CRYBG1: variants seen among roughly 807,000 people sequenced by gnomAD.
The protein encoded by CRYBG1 is crystallin beta-gamma domain containing 1.
In CRYBG1, 139 loss-of-function variants were observed where a neutral mutation model predicts 189.2. The observed-to-expected ratio is 0.73, with a 90% CI of 0.64 to 0.85. CRYBG1 has a LOEUF of 0.85. CRYBG1 is among the 40% of genes least tolerant of loss of function. The pLI is 0.00. For synonymous variants in CRYBG1, 1,023 were observed against 1,017.1 expected, an observed-to-expected ratio of 1.01 and a Z score of -0.11; for missense variants, 2,611 against 2,675.8, an observed-to-expected ratio of 0.98 and a Z score of 0.53.
At chr6:106,500,208 T>C (rs951898786) in intron 2 of CRYBG1, among the ~76,000 whole-genome samples, 16 of 152,330 alleles carry the variant, frequency 1.1e-4, no homozygotes, top group Admixed American at 4.6e-4. Context: ...CTGGCAGTTC[T>C]ATTTTTGTTT....
intron 1 of CRYBG1, among the ~76,000 whole-genome samples, chr6:106,377,767 A>G (rs1210665959): frequency 2.0e-5 from 3 of 151,854 alleles, no homozygotes; most frequent in African/African-American, 4.8e-5. Context: ...AATGTGAATT[A>G]CTCTTAGTGT....
chr6:106,460,139 A>C (rs1397442099), intron 2 of CRYBG1, among the ~76,000 whole-genome samples: 2 of 124,774 alleles, frequency 1.6e-5, no homozygotes, highest in East Asian at 4.9e-4. Context: ...GGCGCCCGCC[A>C]CCACGCCCGG....
At chr6:106,442,249 C>T (rs144985770) in intron 1 of CRYBG1, among the ~76,000 whole-genome samples, 9 of 152,226 alleles carry the variant, frequency 5.9e-5, no homozygotes, top group African/African-American at 1.2e-4. Context: ...ATGATGATTG[C>T]GGCAGTGTAA....
chr6:106,504,136 G>A (rs1454682110), intron 2 of CRYBG1, among the ~76,000 whole-genome samples: 1 of 151,584 alleles, frequency 6.6e-6, no homozygotes, highest in Non-Finnish European at 1.5e-5. Flanking sequence ...AAGAAAAATA[G>A]CATCAGAGAT....
intron 1 of CRYBG1, among the ~76,000 whole-genome samples, chr6:106,440,243 C>CCTCTCT (rs34075891): frequency 0.13 from 19,870 of 147,310 alleles, 1,743 homozygotes; most frequent in Middle Eastern, 0.24. Context: ...TTCCTTTCTT[C>CCTCTCT]CTCTCTCTCT....
chr6:106,401,174 T>C (rs1770712714), intron 1 of CRYBG1, among the ~76,000 whole-genome samples: 1 of 152,198 alleles, frequency 6.6e-6, no homozygotes, highest in South Asian at 2.1e-4. Flanking sequence ...GAAGATCCTC[T>C]TACCCGTTTT....
At chr6:106,451,955 A>C in intron 2 of CRYBG1, 123 bp downstream of exon 2, 1 of 520,530 alleles carries the variant, frequency 1.9e-6, no homozygotes, top group Non-Finnish European at 2.8e-6. Flanking sequence ...TATATCATAA[A>C]TTATATATAT....
chr6:106,565,714 CA>C (rs1774864212), intron 21 of CRYBG1, among the ~76,000 whole-genome samples: 4 of 152,186 alleles, frequency 2.6e-5, no homozygotes, highest in Non-Finnish European at 4.4e-5. Flanking sequence ...CAAACAGTAA[CA>C]TATAGTACAG....
intron 6 of CRYBG1, among the ~76,000 whole-genome samples, chr6:106,526,660 G>A (rs1773743641): frequency 6.6e-6 from 1 of 152,068 alleles, no homozygotes; most frequent in Non-Finnish European, 1.5e-5. Flanking sequence ...GGAGACAAAA[G>A]GCCAGACATG....
chr6:106,512,125 C>G lies in CRYBG1; in HGVS notation c.1008C>G (p.Pro336=). Residue 336 remains proline, a synonymous_variant, in exon 3 of 22, where the codon CCC becomes CCG. Transcript: ENST00000633556. ...LGPRNARSQP[P]KGASDLPGEP... Reference sequence around the variant, plus strand: ...CCCGCAACGCCCGCAGCCAGCCCCCCAAGGGCGCGTCTGATTTGCCAGGTG... The same window carrying G: ...CCCGCAACGCCCGCAGCCAGCCCCCGAAGGGCGCGTCTGATTTGCCAGGTG... 3 of 1,534,390 alleles carry G rather than the reference C, an allele frequency of 2.0e-6. No homozygotes were observed. Among genetic ancestry groups the G allele is most frequent in the Non-Finnish European group, 1.7e-6 (2 of 1,145,994 alleles).
At chr6:106,470,451 T>C (rs1374382433) in intron 2 of CRYBG1, among the ~76,000 whole-genome samples, 1 of 152,128 alleles carries the variant, frequency 6.6e-6, no homozygotes, top group Non-Finnish European at 1.5e-5. Flanking sequence ...CGGGTGCCTG[T>C]AATCCCAGCT....
At chr6:106,384,152 A>G (rs1448121107) in intron 1 of CRYBG1, among the ~76,000 whole-genome samples, 2 of 152,084 alleles carry the variant, frequency 1.3e-5, no homozygotes, top group African/African-American at 2.4e-5. Flanking sequence ...TTAGGATGGA[A>G]AATAGCATGA....
At position 106,555,862 on chromosome 6, in the gene CRYBG1, G is replaced by T; in HGVS notation, c.5680G>T (p.Gly1894Ter). The T allele has an allele frequency of 6.2e-7, 1 of 1,614,182 alleles. No individual in the cohort carries two copies. The highest frequency in any genetic ancestry group is 2.2e-5 in the East Asian group (1 of 44,886). Residue 1894 changes from glycine to a stop codon, truncating the protein, a stop_gained, in exon 17 of 22, where the codon GGA (glycine) becomes TGA (stop). Coordinates refer to ENST00000633556, the MANE Select transcript of CRYBG1 (RefSeq NM_001371242.2). LOFTEE classifies it high-confidence loss of function. ...PCLSAMGCPP[G>*]ATFKSLRFID... ...TCTGTCTGCAATGGGATGCCCGCCT[G>T]GAGCAACTTTCAAGTCTCTTCGTTT...
intron 2 of CRYBG1, among the ~76,000 whole-genome samples, chr6:106,459,866 A>T (rs1255035376): frequency 6.6e-6 from 1 of 152,220 alleles, no homozygotes; most frequent in Admixed American, 6.5e-5. Flanking sequence ...AAAAAGGTTT[A>T]TCAACTTACA....
chr6:106,565,191 G>C (rs1008249294), intron 21 of CRYBG1, among the ~76,000 whole-genome samples: 1 of 151,990 alleles, frequency 6.6e-6, no homozygotes, highest in Non-Finnish European at 1.5e-5. Flanking sequence ...TGTGGTGGTG[G>C]GCGCCTGTAG....
intron 1 of CRYBG1, among the ~76,000 whole-genome samples, chr6:106,407,394 T>C (rs1453983942): frequency 9.2e-6 from 1 of 108,820 alleles, no homozygotes; most frequent in Non-Finnish European, 2.1e-5. Flanking sequence ...AGCAAGTTCT[T>C]AGACACCTAC....
intron 2 of CRYBG1, among the ~76,000 whole-genome samples, chr6:106,478,726 G>T (rs892278888): frequency 6.6e-6 from 1 of 152,198 alleles, no homozygotes; most frequent in Non-Finnish European, 1.5e-5. Flanking sequence ...TGCAAGCAAA[G>T]CTTCATCTGT....
intron 1 of CRYBG1, among the ~76,000 whole-genome samples, chr6:106,440,105 C>G (rs914560488): frequency 2.0e-5 from 3 of 152,166 alleles, no homozygotes; most frequent in Non-Finnish European, 2.9e-5. Flanking sequence ...GGTGGCTTTC[C>G]CCTTCCAGGG....
chr6:106,438,510 T>TTC (rs1771508791), intron 1 of CRYBG1, among the ~76,000 whole-genome samples: 1 of 152,164 alleles, frequency 6.6e-6, no homozygotes, highest in Non-Finnish European at 1.5e-5. Flanking sequence ...CTGCTGGCAA[T>TTC]CCTTGGTGTT....
Sources: allele counts gnomAD v4.1 joint callset (sites outside exome capture counted in the v4.1 genomes callset), GRCh38; gene constraint gnomAD v4.1.1; transcripts MANE v1.5; gene names NCBI Gene and HGNC (gene_info 2026-07-23, HGNC 2026-07-21).